Variants in SERHL2 observed in about 807,000 individuals in gnomAD.
SERHL2 encodes the protein serine hydrolase-like protein 2.
A neutral mutation model predicts 25.5 loss-of-function variants in SERHL2; 29 were observed. The ratio of observed to expected loss-of-function variants is 1.14; its 90% confidence interval spans 0.85 to 1.55. SERHL2 has a LOEUF of 1.55. SERHL2 is among the 40% of genes most tolerant of loss of function. The pLI, the probability that SERHL2 is intolerant of heterozygous loss-of-function variation, is 0.00. For synonymous variants in SERHL2, 95 were observed against 103.5 expected (o/e 0.92, Z 0.50); for missense variants, 240 against 252.3 (o/e 0.95, Z 0.33).
Position 42,554,024 on chromosome 22 carries a change from A to G in SERHL2, c.4A>G (p.Ser2Gly). ...GCGCATTCGCGGGACGAGAGCGATGAGTGAGAACGCCGCACCAGGTCTGAC... is the reference window on the plus strand; with the variant it reads ...GCGCATTCGCGGGACGAGAGCGATGGGTGAGAACGCCGCACCAGGTCTGAC... M[S>G]ENAAPGLISE... The change falls in exon 1 of 12, where the codon AGT becomes GGT. Residue 2 changes from serine (S) to glycine (G), a missense_variant. Ser to Gly is a moderately conservative substitution (Grantham distance 56, BLOSUM62 0). This residue lies in a region of SERHL2 where 18 missense variants were observed against 16.0 expected (regional missense o/e 1.12). Coordinates refer to ENST00000327678, the MANE Select transcript of SERHL2 (RefSeq NM_014509.5). 2 of 1,613,610 alleles carry G rather than the reference A, an allele frequency of 1.2e-6. No homozygotes were observed. The highest frequency in any genetic ancestry group is 1.7e-6 in the Non-Finnish European group (2 of 1,179,782).
chr22:42,570,347 G>A (rs556925033), intron 9 of SERHL2, among the ~76,000 whole-genome samples: 6 of 152,098 alleles, frequency 3.9e-5, no homozygotes, highest in Non-Finnish European at 7.4e-5. Flanking sequence ...AACCCAGGAG[G>A]CGGGAGGTTG....
chr22:42,562,571 T>C (rs569865220), intron 8 of SERHL2, among the ~76,000 whole-genome samples: 15 of 151,230 alleles, frequency 9.9e-5, no homozygotes, highest in African/African-American at 3.4e-4. Flanking sequence ...GCAGCGAGCA[T>C]TGTTGGAGAG....
rs371971938 is a variant in SERHL2, at chr22:42,564,779, CAG to C, written c.614-1522_614-1521del. ...ACCGTCTCCCTTCATGGCTCTTTTA[CAG>C]AGTTTTTCTACTAGTCTTTTTTCTT... On this transcript the variant is annotated intron_variant, in intron 8 of 11. Transcript: ENST00000327678. Among the ~76,000 whole-genome samples, 81 of 152,014 alleles carry C rather than the reference CAG, an allele frequency of 5.3e-4. No homozygotes were observed. In the East Asian group the frequency reaches 0.012, roughly 23 times the overall value.
chr22:42,569,839 T>TTGTGTGTGTGTGTGTGTGTGTG (rs58527778), intron 9 of SERHL2: 1 of 146,756 alleles, frequency 6.8e-6, no homozygotes, highest in Non-Finnish European at 1.5e-5. Flanking sequence ...TCATAGCAAT[T>TTGTGTGTGTGTGTGTGTGTGTG]TGTGTGTGTG....
intron 8 of SERHL2, among the ~76,000 whole-genome samples, chr22:42,563,690 T>A (rs1252242094): frequency 6.6e-6 from 1 of 151,848 alleles, no homozygotes; most frequent in Non-Finnish European, 1.5e-5. Flanking sequence ...CATTTTATTT[T>A]TTATTATACT....
rs1008865024 is a variant in SERHL2 at position 42,568,295 on chromosome 22, T to C, written c.648+1957T>C. On this transcript the variant is annotated intron_variant, in intron 9 of 11. Transcript: ENST00000327678. ...GCCTCAGTTTCCCAAAGTACTGGGA[T>C]TACAGGTGTGAGCCACTGCAGCCAG... is the stretch of plus-strand genomic sequence containing the variant. 5.9e-5 allele frequency among the ~76,000 whole-genome samples: 9 copies of C among 151,660 alleles called. 1 individual carries two copies. The highest frequency in any genetic ancestry group is 1.3e-4 in the Admixed American group (2 of 15,220).
chr22:42,566,222 G>C (rs976883000), intron 8 of SERHL2, 82 bp from the exon 9 acceptor site: 85 of 1,426,260 alleles, frequency 6.0e-5, no homozygotes, highest in Non-Finnish European at 6.6e-5. Context: ...CAAAGGCCTG[G>C]AGGGTTCCAG....
At chr22:42,566,083 G>A (rs945497289) in intron 8 of SERHL2, among the ~76,000 whole-genome samples, 9 of 152,048 alleles carry the variant, frequency 5.9e-5, no homozygotes, top group African/African-American at 2.2e-4. Context: ...GGCCGGTGAG[G>A]GCCCATGTGG....
At chr22:42,565,576 G>A (rs970378568) in intron 8 of SERHL2, among the ~76,000 whole-genome samples, 10 of 151,668 alleles carry the variant, frequency 6.6e-5, no homozygotes, top group African/African-American at 1.4e-4. Flanking sequence ...CGCCTGCCTC[G>A]GCCTCCCAAA....
intron 8 of SERHL2, among the ~76,000 whole-genome samples, chr22:42,563,942 G>A (rs747762650): frequency 1.6e-4 from 24 of 150,432 alleles, no homozygotes; most frequent in Non-Finnish European, 2.5e-4. Flanking sequence ...GCGTGATGGC[G>A]CATGCCTGTA....
At chr22:42,572,669 C>T in intron 11 of SERHL2, 140 bp downstream of exon 11, 1 of 1,427,362 alleles carries the variant, frequency 7.0e-7, no homozygotes, top group East Asian at 2.6e-5. Context: ...TATCAGGCCT[C>T]ATGCTCCACT....
intron 8 of SERHL2, among the ~76,000 whole-genome samples, chr22:42,562,502 G>C (rs976555136): frequency 6.6e-6 from 1 of 151,852 alleles, no homozygotes; most frequent in African/African-American, 2.4e-5. Context: ...GAGGTTCTCT[G>C]GGTGGGTTAC....
In SERHL2 at chr22:42,556,566, C is replaced by T. The variant is rs371848497; in HGVS notation, c.401C>T (p.Pro134Leu). The change falls in exon 6 of 12, where the codon CCG (proline) becomes CTG (leucine). Residue 134 changes from proline (P) to leucine (L), a missense_variant. Pro to Leu is a moderately conservative substitution (Grantham distance 98). This residue lies in a region of SERHL2 where 9 missense variants were observed against 19.5 expected (regional missense o/e 0.46). Coordinates refer to ENST00000327678, the MANE Select transcript of SERHL2 (RefSeq NM_014509.5). Reference sequence around the variant, plus strand: ...GATAAACTTATCTTGCTGGACACGCCGCTCTTTCTCCTGGAATCAGATGTG... The same window carrying T: ...GATAAACTTATCTTGCTGGACACGCTGCTCTTTCTCCTGGAATCAGATGTG... ...MVDKLILLDT[P>L]LFLLESDEME... 116 of 1,604,582 alleles carry T rather than the reference C, an allele frequency of 7.2e-5. No homozygotes were observed. In the African/African-American group the frequency reaches 1.2e-3, roughly 17 times the overall value.
At chr22:42,568,367 T>C (rs1923697228) in intron 9 of SERHL2, among the ~76,000 whole-genome samples, 1 of 138,566 alleles carries the variant, frequency 7.2e-6, no homozygotes, top group South Asian at 2.2e-4. Context: ...TGTTGGGTGG[T>C]CCTCCCTACC....
At chr22:42,559,208 G>A (rs1427668409) in intron 7 of SERHL2, among the ~76,000 whole-genome samples, 1 of 84,764 alleles carries the variant, frequency 1.2e-5, no homozygotes. Flanking sequence ...CAGCCTGAGC[G>A]AGATAGCGAG....
intron 1 of SERHL2, among the ~76,000 whole-genome samples, chr22:42,554,620 C>A: frequency 6.6e-6 from 1 of 152,104 alleles, no homozygotes; most frequent in Non-Finnish European, 1.5e-5. Context: ...GGTTACCCAG[C>A]CAGCAAGTGA....
chr22:42,560,199 A>C lies in SERHL2; in HGVS notation c.547A>C (p.Asn183His), dbSNP rs775150115. Reference protein sequence around the residue: ...KQLLQRLLKSNSHLSEECGEL... With the variant: ...KQLLQRLLKSHSHLSEECGEL... ...GTCTCCCCCCAGGTTACTGAAGAGC[A>C]ATAGCCACTTGAGTGAGGAGTGCGG... is the stretch of plus-strand genomic sequence containing the variant. Residue 183 changes from asparagine to histidine, a missense_variant, in exon 8 of 12, where the codon AAT becomes CAT. Around this residue, in one of 4 missense-constraint regions of SERHL2, gnomAD observed 212 missense variants for 168.9 expected, o/e 1.25. Coordinates refer to ENST00000327678, the MANE Select transcript of SERHL2 (RefSeq NM_014509.5). The C allele has an allele frequency of 1.9e-6, 3 of 1,612,502 alleles. No individual in the cohort carries two copies. The highest frequency in any genetic ancestry group is 1.1e-5 in the South Asian group (1 of 91,066).
chr22:42,561,448 G>A (rs1922667263), intron 8 of SERHL2, among the ~76,000 whole-genome samples: 1 of 150,506 alleles, frequency 6.6e-6, no homozygotes, highest in South Asian at 2.1e-4. Flanking sequence ...ATAAAGTGCT[G>A]AGTGAGGCAG....
chr22:42,561,631 A>G lies in SERHL2; in HGVS notation c.613+1366A>G, dbSNP rs1036105597. On this transcript the variant is annotated intron_variant, in intron 8 of 11. Coordinates refer to ENST00000327678, the MANE Select transcript of SERHL2 (RefSeq NM_014509.5). ...AGTGGGAATTCAGTCTCGTGTGGCC[A>G]GAATTACCAGTTGCTCAGCTCTGCA... Among the ~76,000 whole-genome samples the G allele has an allele frequency of 6.6e-5, 10 of 151,720 alleles. 1 individual carries two copies. Among genetic ancestry groups the G allele is most frequent in the Non-Finnish European group, 1.5e-4 (10 of 67,896 alleles).
Sources: gnomAD v4.1 joint callset for allele counts (sites outside exome capture counted in the v4.1 genomes callset) on GRCh38, gnomAD v4.1.1 for gene constraint, gnomAD v4.1.1 regional missense constraint, MANE v1.5 for transcripts, NCBI Gene and HGNC (gene_info 2026-07-23, HGNC 2026-07-21) for gene names.